The following MYO1D variants were observed in gnomAD, a reference collection of about 807,000 sequenced individuals.
MYO1D encodes the protein unconventional myosin-Id.
A neutral mutation model predicts 122.0 loss-of-function variants in MYO1D; 83 were observed. The observed-to-expected ratio is 0.68, with a 90% CI of 0.57 to 0.82. MYO1D has a LOEUF of 0.82. MYO1D is among the 40% of genes least tolerant of loss of function. The pLI is 0.00. For missense variants in MYO1D, 1,157 were observed against 1,269.5 expected (o/e 0.91, Z 1.35); for synonymous variants, 464 against 446.9 (o/e 1.04, Z -0.48).
intron 8 of MYO1D, among the ~76,000 whole-genome samples, chr17:32,764,154 T>G (rs1315052913): frequency 6.6e-6 from 1 of 152,104 alleles, no homozygotes; most frequent in African/African-American, 2.4e-5. Flanking sequence ...TTATGCTAAG[T>G]GAAATAAGCC....
intron 21 of MYO1D, chr17:32,496,251 C>T (rs988799658): frequency 6.6e-6 from 1 of 152,272 alleles, no homozygotes; most frequent in Admixed American, 6.5e-5. Flanking sequence ...TCTGAGGACA[C>T]CTGGTGGGCG....
chr17:32,754,846 T>G (rs2089931146), intron 11 of MYO1D, among the ~76,000 whole-genome samples: 1 of 149,056 alleles, frequency 6.7e-6, no homozygotes, highest in Admixed American at 6.6e-5. Context: ...AATGGAATAT[T>G]CCATGCAAAT....
intron 20 of MYO1D, among the ~76,000 whole-genome samples, chr17:32,609,851 T>C (rs1434041497): frequency 6.6e-6 from 1 of 151,628 alleles, no homozygotes; most frequent in Non-Finnish European, 1.5e-5. Context: ...AGGCCATTGG[T>C]AAGAGAATAT....
intron 14 of MYO1D, among the ~76,000 whole-genome samples, chr17:32,723,300 G>A (rs2089533693): frequency 6.6e-6 from 1 of 152,164 alleles, no homozygotes; most frequent in Non-Finnish European, 1.5e-5. Context: ...GTAAAGGAGA[G>A]TCTTATTAGG....
At chr17:32,832,293 CT>C (rs955471882) in intron 1 of MYO1D, among the ~76,000 whole-genome samples, 346 of 139,712 alleles carry the variant, frequency 2.5e-3, no homozygotes, top group Middle Eastern at 3.7e-3. Context: ...TTTCTTTCTT[CT>C]TTTTTTTTTT....
chr17:32,619,063 G>A (rs1279631403), intron 20 of MYO1D, among the ~76,000 whole-genome samples: 2 of 152,084 alleles, frequency 1.3e-5, no homozygotes, highest in Non-Finnish European at 2.9e-5. Flanking sequence ...TCCTGGGCTC[G>A]TCTTGTAACT....
At chr17:32,785,990 C>T (rs2090289537) in intron 1 of MYO1D, among the ~76,000 whole-genome samples, 1 of 152,178 alleles carries the variant, frequency 6.6e-6, no homozygotes, top group African/African-American at 2.4e-5. Flanking sequence ...CTCTGAACCA[C>T]AATCTAGGAA....
chr17:32,772,674 T>C, intron 5 of MYO1D, 115 bp downstream of exon 5: 1 of 842,708 alleles, frequency 1.2e-6, no homozygotes. Context: ...GCGTGACATG[T>C]TACGGGGCCA....
chr17:32,651,441 T>C (rs1326919383), intron 19 of MYO1D, among the ~76,000 whole-genome samples: 2 of 152,350 alleles, frequency 1.3e-5, no homozygotes, highest in East Asian at 3.9e-4. Flanking sequence ...TCTCTCTCAC[T>C]GTTGAAAAGC....
chr17:32,717,848 G>GACA (rs2089466055), intron 15 of MYO1D, among the ~76,000 whole-genome samples: 1 of 152,216 alleles, frequency 6.6e-6, no homozygotes, highest in South Asian at 2.1e-4. Flanking sequence ...TCTTATGCTT[G>GACA]ACAATCAGTG....
chr17:32,572,656 T>C (rs1318268900), intron 21 of MYO1D, among the ~76,000 whole-genome samples: 1 of 152,180 alleles, frequency 6.6e-6, no homozygotes, highest in Non-Finnish European at 1.5e-5. Flanking sequence ...CCACGAGGCC[T>C]TCAATGATCT....
At chr17:32,566,909 A>T (rs896388708) in intron 21 of MYO1D, among the ~76,000 whole-genome samples, 1 of 146,954 alleles carries the variant, frequency 6.8e-6, no homozygotes, top group Non-Finnish European at 1.5e-5. Context: ...TTTCCAACAG[A>T]GGAATGGGAG....
At chr17:32,771,038 G>A (rs1388488540) in intron 6 of MYO1D, 87 bp downstream of exon 6, 12 of 941,566 alleles carry the variant, frequency 1.3e-5, no homozygotes, top group Non-Finnish European at 1.9e-5. Context: ...CCTAAAGATA[G>A]CAGGCTTGAC....
chr17:32,580,289 A>ATTTTTTTTTTTTTTTTT (rs71144843), intron 21 of MYO1D, among the ~76,000 whole-genome samples: 1 of 39,118 alleles, frequency 2.6e-5, no homozygotes, highest in Non-Finnish European at 4.3e-5. Flanking sequence ...TGCTAAGAGG[A>ATTTTTTTTTTTTTTTTT]TTTTTTTTTT....
intron 1 of MYO1D, among the ~76,000 whole-genome samples, chr17:32,803,139 C>G (rs1467660734): frequency 6.6e-6 from 1 of 151,982 alleles, no homozygotes; most frequent in African/African-American, 2.4e-5. Flanking sequence ...TGTGCCAGAA[C>G]TTCCAATTTT....
chr17:32,707,498 G>T (rs2089323572), intron 16 of MYO1D, among the ~76,000 whole-genome samples: 1 of 152,120 alleles, frequency 6.6e-6, no homozygotes, highest in Non-Finnish European at 1.5e-5. Context: ...GCATAGAAAT[G>T]AAGGCACCAG....
intron 1 of MYO1D, among the ~76,000 whole-genome samples, chr17:32,874,407 ATCATAGC>A: frequency 6.6e-6 from 1 of 152,034 alleles, no homozygotes; most frequent in South Asian, 2.1e-4. Flanking sequence ...CAGTGGTGTG[ATCATAGC>A]TCACGGCAGC....
chr17:32,704,960 G>A (rs1384508270), intron 16 of MYO1D, among the ~76,000 whole-genome samples: 1 of 151,848 alleles, frequency 6.6e-6, no homozygotes, highest in Non-Finnish European at 1.5e-5. Flanking sequence ...ACATGAACTT[G>A]TATTGCTATA....
At chr17:32,669,476 C>A (rs1412387095) in intron 16 of MYO1D, among the ~76,000 whole-genome samples, 1 of 152,170 alleles carries the variant, frequency 6.6e-6, no homozygotes, top group African/African-American at 2.4e-5. Flanking sequence ...GTATATAAGA[C>A]CCTGAGTCTA....
Sources: allele counts gnomAD v4.1 joint callset (sites outside exome capture counted in the v4.1 genomes callset), GRCh38; gene constraint gnomAD v4.1.1; transcripts MANE v1.5; gene names NCBI Gene and HGNC (gene_info 2026-07-23, HGNC 2026-07-21).